The following HFM1 variants were observed in gnomAD, a reference collection of about 807,000 sequenced individuals.
The protein encoded by HFM1 is probable ATP-dependent DNA helicase HFM1.
In HFM1, 169 loss-of-function variants were observed where a neutral mutation model predicts 192.1. That is an observed-to-expected ratio of 0.88 (90% CI 0.78 to 1.00). The LOEUF (loss-of-function observed/expected upper bound fraction) is 1.00, where lower values mean the gene tolerates loss of function less well. Among genes scored for constraint, HFM1 ranks in the 50% least tolerant of loss-of-function variants. The probability of loss-of-function intolerance (pLI) is 0.00; values close to 1 mark genes in which losing one functional copy is unlikely to be tolerated. For missense variants in HFM1, 1,661 were observed against 1,668.0 expected (o/e 1.00, Z 0.07); for synonymous variants, 525 against 537.8 (o/e 0.98, Z 0.33).
intron 30 of HFM1, among the ~76,000 whole-genome samples, chr1:91,282,962 G>A (rs1265431998): frequency 4.6e-5 from 7 of 152,120 alleles, no homozygotes; most frequent in Admixed American, 1.3e-4. Context: ...GAGAGATTCC[G>A]AGGGCTCCCA....
At chr1:91,343,256 A>G (rs979320922) in intron 20 of HFM1, among the ~76,000 whole-genome samples, 174 bp downstream of exon 20, 1 of 140,446 alleles carries the variant, frequency 7.1e-6, no homozygotes, top group Non-Finnish European at 1.6e-5. Flanking sequence ...AAAAAAAACT[A>G]TTACAAATAG....
At chr1:91,323,564 G>C (rs1055891941) in intron 21 of HFM1, among the ~76,000 whole-genome samples, 5 of 152,064 alleles carry the variant, frequency 3.3e-5, no homozygotes, top group Admixed American at 3.3e-4. Flanking sequence ...TACTACTACT[G>C]CTATTCTACT....
intron 6 of HFM1, among the ~76,000 whole-genome samples, chr1:91,382,945 C>G (rs560612652): frequency 7.9e-5 from 12 of 152,184 alleles, no homozygotes; most frequent in African/African-American, 2.9e-4. Flanking sequence ...TCTGAGAAAA[C>G]GTCTATTGCC....
chr1:91,326,708 A>G (rs1652964993), intron 20 of HFM1, among the ~76,000 whole-genome samples: 1 of 152,248 alleles, frequency 6.6e-6, no homozygotes, highest in African/African-American at 2.4e-5. Flanking sequence ...AAGCACACAG[A>G]AAAACACAGA....
chr1:91,264,361 A>ATTTTTTTGTTTTTTTTTTTTTTT (rs1665485641), intron 36 of HFM1, among the ~76,000 whole-genome samples: 1 of 57,058 alleles, frequency 1.8e-5, no homozygotes, highest in Non-Finnish European at 3.0e-5. Context: ...CAAATTTAGT[A>ATTTTTTTGTTTTTTTTTTTTTTT]TTTTTTTTTT....
At chr1:91,407,206 G>A (rs541101066), upstream of HFM1, among the ~76,000 whole-genome samples, 129 of 152,214 alleles carry the variant, frequency 8.5e-4, 2 homozygotes, top group Middle Eastern at 6.8e-3. Context: ...GGGGCCCGTT[G>A]GGGGGTGAGG....
In HFM1 at chr1:91,324,728, C is replaced by G. The variant is rs772600370; in HGVS notation, c.2374G>C (p.Glu792Gln). The G allele has an allele frequency of 6.4e-7, 1 of 1,573,634 alleles. No homozygotes were observed. Among genetic ancestry groups the G allele is most frequent in the South Asian group, 1.1e-5 (1 of 89,890 alleles). Residue 792 changes from glutamate (E) to glutamine (Q), a missense_variant, in exon 21 of 39, where the codon GAG becomes CAG. Coordinates refer to ENST00000370425, the MANE Select transcript of HFM1 (RefSeq NM_001017975.6). ...RLMAWYYITF[E>Q]TVKKFYTISG... ...ATTGTATAAAATTTCTTCACTGTCTCAAATGTAATATAATACCAAGCCATC... is the reference window on the plus strand; with the variant it reads ...ATTGTATAAAATTTCTTCACTGTCTGAAATGTAATATAATACCAAGCCATC...
intron 30 of HFM1, among the ~76,000 whole-genome samples, chr1:91,292,736 T>C (rs79220516): frequency 0.7 from 106,364 of 151,976 alleles, 37,495 homozygotes; most frequent in East Asian, 0.83. Context: ...AAAGAGCTCG[T>C]ATCACCAAGT....
chr1:91,356,533 C>T (rs1657763846), intron 13 of HFM1, among the ~76,000 whole-genome samples: 1 of 151,886 alleles, frequency 6.6e-6, no homozygotes, highest in Non-Finnish European at 1.5e-5. Context: ...GACAGCCTAA[C>T]ATTATACCTA....
chr1:91,379,320 C>T, intron 8 of HFM1, 106 bp from the exon 9 acceptor site: 3 of 785,794 alleles, frequency 3.8e-6, no homozygotes, highest in Non-Finnish European at 6.2e-6. Flanking sequence ...TCTACATACT[C>T]CTAATATTGA....
At chr1:91,362,467 C>G (rs1360698794) in intron 13 of HFM1, among the ~76,000 whole-genome samples, 1 of 152,052 alleles carries the variant, frequency 6.6e-6, no homozygotes, top group Non-Finnish European at 1.5e-5. Context: ...AATAAAATAC[C>G]TAGGAATACA....
intron 30 of HFM1, among the ~76,000 whole-genome samples, chr1:91,280,043 TAAAC>T (rs567220393): frequency 9.0e-4 from 137 of 152,286 alleles, no homozygotes; most frequent in African/African-American, 3.2e-3. Context: ...AATTAAGTGA[TAAAC>T]AAATATATTA....
intron 30 of HFM1, among the ~76,000 whole-genome samples, chr1:91,302,452 T>C (rs1648938252): frequency 6.6e-6 from 1 of 152,148 alleles, no homozygotes; most frequent in Admixed American, 6.5e-5. Flanking sequence ...CAAAGGATTA[T>C]AAAACATGCT....
chr1:91,343,588 T>C (rs1655700111), intron 19 of HFM1, 78 bp from the exon 20 acceptor site: 1 of 595,248 alleles, frequency 1.7e-6, no homozygotes, highest in South Asian at 2.7e-5. Context: ...TTAAATATGC[T>C]AAAGTTGTGC....
chr1:91,394,040 C>T, intron 4 of HFM1, 53 bp downstream of exon 4: 1 of 1,013,354 alleles, frequency 9.9e-7, no homozygotes, highest in South Asian at 1.9e-5. Context: ...TTTATATGTA[C>T]AAATATTCAA....
In HFM1 at chr1:91,375,557, T is replaced by C. The variant is rs72970344; in HGVS notation, c.1566A>G (p.Gln522=). The change falls in exon 12 of 39, where the codon CAA becomes CAG. Residue 522 remains glutamine, a synonymous_variant. Transcript: ENST00000370425. Reference sequence around the variant, plus strand: ...GTGTGGGTTTCTGATCAGAGTACATTTGTATAACACTGGCAATTTTGTAGT... The same window carrying C: ...GTGTGGGTTTCTGATCAGAGTACATCTGTATAACACTGGCAATTTTGTAGT... ...TLNYKIASVI[Q]MYSDQKPTLV... 4.7e-4 allele frequency: 758 copies of C among 1,613,446 alleles called. 3 individuals carry two copies. In the African/African-American group the frequency reaches 8.1e-3, roughly 17 times the overall value.
In HFM1 at chr1:91,340,988, T is replaced by A. The variant is rs1655250638; in HGVS notation, c.2335+2442A>T. On this transcript the variant is annotated intron_variant, in intron 20 of 38. Coordinates refer to ENST00000370425, the MANE Select transcript of HFM1 (RefSeq NM_001017975.6). ...CAAAGAGACTTAGATACCTACACAA[T>A]GTTGGGAGGCTTCAACACCCCACTG... Among the ~76,000 whole-genome samples, 3 of 152,146 alleles carry A rather than the reference T, an allele frequency of 2.0e-5. No individual in the cohort carries two copies. In the South Asian group the frequency reaches 6.2e-4, roughly 32 times the overall value.
chr1:91,303,069 T>C (rs754079718), intron 30 of HFM1, among the ~76,000 whole-genome samples: 2 of 152,120 alleles, frequency 1.3e-5, no homozygotes, highest in Non-Finnish European at 2.9e-5. Flanking sequence ...ATTCAGTGGG[T>C]TTTTAGTATA....
intron 1 of HFM1, among the ~76,000 whole-genome samples, chr1:91,401,585 G>A (rs1664315436): frequency 6.6e-6 from 1 of 152,116 alleles, no homozygotes; most frequent in Non-Finnish European, 1.5e-5. Flanking sequence ...GCAGGGATTT[G>A]CTTCAAAATA....
Sources: allele counts gnomAD v4.1 joint callset (sites outside exome capture counted in the v4.1 genomes callset), GRCh38; gene constraint gnomAD v4.1.1; transcripts MANE v1.5; gene names NCBI Gene and HGNC (gene_info 2026-07-23, HGNC 2026-07-21).